The following ASIC2 variants were observed in gnomAD, a reference collection of about 807,000 sequenced individuals.
ASIC2 encodes acid-sensing ion channel 2.
Under a neutral mutation model 57.3 loss-of-function variants are expected in ASIC2, and 25 were observed. That is an observed-to-expected ratio of 0.44 (90% CI 0.32 to 0.61). The LOEUF is 0.61. ASIC2 is among the 20% of genes least tolerant of loss of function. ASIC2 has a pLI of 0.06. For synonymous variants in ASIC2, 319 were observed against 307.5 expected, an observed-to-expected ratio of 1.04 and a Z score of -0.39; for missense variants, 641 against 738.1, an observed-to-expected ratio of 0.87 and a Z score of 1.52.
chr17:33,997,019 A>T (rs557276610), intron 1 of ASIC2, among the ~76,000 whole-genome samples: 12 of 152,244 alleles, frequency 7.9e-5, no homozygotes, highest in African/African-American at 2.6e-4. Flanking sequence ...TTGTGTCTTC[A>T]GTTCCTTTAT....
chr17:33,749,891 C>A (rs1433354239), intron 1 of ASIC2, among the ~76,000 whole-genome samples: 1 of 152,178 alleles, frequency 6.6e-6, no homozygotes, highest in Non-Finnish European at 1.5e-5. Context: ...ATGTCCCATG[C>A]TGCCAACTCC....
rs368291258 is a variant in ASIC2 at position 33,053,088 on chromosome 17, T to C, written c.988-24696A>G. ...AATGTGAGTGAGAAACACATTCTTA[T>C]TGTATTAGTGTTAAACCACTCAGAT... On this transcript the variant is annotated intron_variant, in intron 3 of 9. Transcript: ENST00000225823. Among the ~76,000 whole-genome samples the C allele has an allele frequency of 7.9e-5, 12 of 152,320 alleles. No homozygotes were observed. The South Asian group carries it at 1.5e-3, about 18-fold the overall frequency.
At chr17:33,495,215 G>T (rs1913889858) in intron 1 of ASIC2, among the ~76,000 whole-genome samples, 1 of 152,158 alleles carries the variant, frequency 6.6e-6, no homozygotes, top group Non-Finnish European at 1.5e-5. Context: ...GGCTAGCTTG[G>T]TCCCTAGTTC....
chr17:33,514,730 A>G (rs1914517297), intron 1 of ASIC2, among the ~76,000 whole-genome samples: 1 of 152,202 alleles, frequency 6.6e-6, no homozygotes, highest in Non-Finnish European at 1.5e-5. Flanking sequence ...TCTAAAGTTT[A>G]AAAAGATCAC....
chr17:33,420,704 G>C (rs1417375027), intron 1 of ASIC2, among the ~76,000 whole-genome samples: 1 of 152,160 alleles, frequency 6.6e-6, no homozygotes, highest in Non-Finnish European at 1.5e-5. Flanking sequence ...TGAATTTGTA[G>C]CATTTGCCTA....
chr17:33,138,727 A>T (rs542199847), intron 1 of ASIC2, among the ~76,000 whole-genome samples: 1 of 148,568 alleles, frequency 6.7e-6, no homozygotes, highest in Non-Finnish European at 1.5e-5. Context: ...AATATTTTTG[A>T]TTTTTAGACA....
intron 1 of ASIC2, among the ~76,000 whole-genome samples, chr17:33,550,314 A>C (rs1165216792): frequency 1.3e-5 from 2 of 152,248 alleles, no homozygotes; most frequent in Non-Finnish European, 2.9e-5. Flanking sequence ...TTGCAATCAC[A>C]GTAACTGCTG....
chr17:33,652,302 CTGAT>C (rs1906945563), intron 1 of ASIC2, among the ~76,000 whole-genome samples: 1 of 152,144 alleles, frequency 6.6e-6, no homozygotes, highest in Non-Finnish European at 1.5e-5. Context: ...CCTGGAGACT[CTGAT>C]TGAATAGGCC....
intron 1 of ASIC2, among the ~76,000 whole-genome samples, chr17:33,499,742 G>T (rs895485864): frequency 1.3e-5 from 2 of 152,210 alleles, no homozygotes; most frequent in Admixed American, 6.5e-5. Context: ...ACTTTTGCAG[G>T]TGTCACCTGC....
chr17:33,200,254 C>T (rs577472870), intron 1 of ASIC2, among the ~76,000 whole-genome samples: 17 of 152,320 alleles, frequency 1.1e-4, no homozygotes, highest in African/African-American at 3.6e-4. Context: ...AAGCAGCCAT[C>T]ACAGTGCCTG....
At position 33,864,482 on chromosome 17, in the gene ASIC2, C is replaced by T. The variant is rs141026334; in HGVS notation, c.555+291496G>A. On this transcript the variant is annotated intron_variant, in intron 1 of 9. Coordinates refer to the ASIC2 transcript ENST00000359872. ...TTAGCCAGAGACCACCCAACCAGTT[C>T]CTCTCACTCTCTTCAGCCACACATG... Among the ~76,000 whole-genome samples, 106 of 152,288 alleles carry T rather than the reference C, an allele frequency of 7.0e-4. 1 individual carries two copies. The highest frequency in any genetic ancestry group is 2.5e-3 in the African/African-American group (105 of 41,568).
chr17:33,098,508 C>T (rs1412418187), intron 2 of ASIC2, among the ~76,000 whole-genome samples: 1 of 152,160 alleles, frequency 6.6e-6, no homozygotes, highest in Non-Finnish European at 1.5e-5. Flanking sequence ...ATTGTGTCCC[C>T]ATGCGGGATG....
At chr17:33,634,285 C>T (rs1792680273) in intron 1 of ASIC2, among the ~76,000 whole-genome samples, 1 of 152,158 alleles carries the variant, frequency 6.6e-6, no homozygotes, top group African/African-American at 2.4e-5. Flanking sequence ...TCAACCTCCC[C>T]CCTTCAGGTC....
intron 1 of ASIC2, among the ~76,000 whole-genome samples, chr17:34,052,748 C>T (rs556111583): frequency 7.3e-4 from 111 of 152,088 alleles, no homozygotes; most frequent in Admixed American, 1.3e-3. Context: ...TCCCAAGTAG[C>T]TGGGATTACA....
intron 1 of ASIC2, among the ~76,000 whole-genome samples, chr17:33,416,321 T>C (rs1056489418): frequency 6.6e-6 from 1 of 152,222 alleles, no homozygotes; most frequent in Non-Finnish European, 1.5e-5. Context: ...TGACCAAGCT[T>C]GCACCATTCA....
chr17:33,471,382 T>C (rs1253020652), intron 1 of ASIC2, among the ~76,000 whole-genome samples: 1 of 152,210 alleles, frequency 6.6e-6, no homozygotes, highest in African/African-American at 2.4e-5. Flanking sequence ...AGGCCTTATA[T>C]TGTGGGATTT....
At chr17:33,517,258 G>A (rs1419798542) in intron 1 of ASIC2, among the ~76,000 whole-genome samples, 1 of 152,138 alleles carries the variant, frequency 6.6e-6, no homozygotes, top group African/African-American at 2.4e-5. Flanking sequence ...TGGGATTACA[G>A]GCATGCACCA....
At chr17:33,136,130 T>C (rs1450600554) in intron 1 of ASIC2, among the ~76,000 whole-genome samples, 4 of 152,220 alleles carry the variant, frequency 2.6e-5, no homozygotes. Flanking sequence ...CGTGTGCACG[T>C]GTGTTTGCAT....
intron 1 of ASIC2, among the ~76,000 whole-genome samples, chr17:34,096,636 C>T (rs768740127): frequency 8.6e-5 from 13 of 151,884 alleles, no homozygotes; most frequent in Non-Finnish European, 1.5e-4. Context: ...AGGCGGATCA[C>T]GAGGTCAGGA....
Sources: allele counts gnomAD v4.1 joint callset (sites outside exome capture counted in the v4.1 genomes callset), GRCh38; gene constraint gnomAD v4.1.1; transcripts MANE v1.5; gene names NCBI Gene and HGNC (gene_info 2026-07-23, HGNC 2026-07-21).